XKR6: variants seen among roughly 807,000 people sequenced by gnomAD.
XKR6 encodes XK-related protein 6.
In XKR6, 22 loss-of-function variants were observed where a neutral mutation model predicts 56.7. The ratio of observed to expected loss-of-function variants is 0.39; its 90% CI spans 0.28 to 0.55. The LOEUF (loss-of-function observed/expected upper bound fraction) is 0.55. XKR6 is among the 20% of genes least tolerant of loss of function. The probability of loss-of-function intolerance (pLI) is 0.66; values close to 1 mark genes in which losing one functional copy is unlikely to be tolerated. For synonymous variants in XKR6, 524 were observed against 387.8 expected, an observed-to-expected ratio of 1.35 and a Z score of -4.13; for missense variants, 852 against 889.0, an observed-to-expected ratio of 0.96 and a Z score of 0.53.
intron 1 of XKR6, among the ~76,000 whole-genome samples, chr8:11,158,756 C>T (rs756925395): frequency 1.4e-4 from 21 of 152,090 alleles, no homozygotes; most frequent in Non-Finnish European, 2.4e-4. Flanking sequence ...GATGACGAAA[C>T]GGACAGACAC....
At chr8:10,943,320 C>G (rs1801441633) in intron 1 of XKR6, among the ~76,000 whole-genome samples, 1 of 152,222 alleles carries the variant, frequency 6.6e-6, no homozygotes, top group East Asian at 1.9e-4. Context: ...GATGAGGAAG[C>G]TGAGGCTAAG....
chr8:11,175,374 T>A (rs1029718782), intron 1 of XKR6: 1 of 175,254 alleles, frequency 5.7e-6, no homozygotes, highest in African/African-American at 2.4e-5. Context: ...CATTTCGAGG[T>A]AAATAAAGCA....
chr8:11,129,995 T>C (rs1303770172), intron 1 of XKR6, among the ~76,000 whole-genome samples: 1 of 152,286 alleles, frequency 6.6e-6, no homozygotes, highest in Admixed American at 6.5e-5. Context: ...GGGAAATCCC[T>C]ATCACATTTC....
At chr8:10,914,031 G>T (rs1054858356) in intron 2 of XKR6, among the ~76,000 whole-genome samples, 4 of 152,190 alleles carry the variant, frequency 2.6e-5, no homozygotes, top group South Asian at 2.1e-4. Context: ...CTTGCCTCGG[G>T]ATGGCCCTTG....
At chr8:10,981,566 A>G (rs1004780887) in intron 1 of XKR6, among the ~76,000 whole-genome samples, 1 of 152,230 alleles carries the variant, frequency 6.6e-6, no homozygotes, top group African/African-American at 2.4e-5. Flanking sequence ...CATTTTCTAA[A>G]TGTAAAAATT....
chr8:11,068,957 C>T (rs1187402550), intron 1 of XKR6, among the ~76,000 whole-genome samples: 1 of 152,224 alleles, frequency 6.6e-6, no homozygotes, highest in East Asian at 1.9e-4. Context: ...CAGGCTGCTC[C>T]TTTTCAATGG....
chr8:11,181,707 G>T (rs976424032), intron 1 of XKR6, among the ~76,000 whole-genome samples: 4 of 152,214 alleles, frequency 2.6e-5, no homozygotes, highest in African/African-American at 9.7e-5. Context: ...GGCAGGTAGT[G>T]AGCCAGGCAG....
intron 1 of XKR6, among the ~76,000 whole-genome samples, chr8:11,107,097 C>CAAGGGCT (rs948083434): frequency 1.3e-5 from 2 of 151,536 alleles, no homozygotes; most frequent in African/African-American, 4.9e-5. Flanking sequence ...TGACTTATGA[C>CAAGGGCT]AAAAGGGCTA....
chr8:11,147,443 A>AGG (rs1801042079), intron 1 of XKR6, among the ~76,000 whole-genome samples: 2 of 152,060 alleles, frequency 1.3e-5, no homozygotes, highest in African/African-American at 4.8e-5. Context: ...AGGCAGGCAG[A>AGG]TCAAGAGATC....
At chr8:11,178,060 T>C (rs964985392) in intron 1 of XKR6, among the ~76,000 whole-genome samples, 4 of 152,030 alleles carry the variant, frequency 2.6e-5, no homozygotes, top group Non-Finnish European at 4.4e-5. Context: ...GAAAGCAGAG[T>C]GCAGGGCCTA....
intron 1 of XKR6, among the ~76,000 whole-genome samples, chr8:11,196,352 T>C (rs1803887352): frequency 6.6e-6 from 1 of 152,286 alleles, no homozygotes; most frequent in South Asian, 2.1e-4. Context: ...GCTACATTTA[T>C]TGAACACTGT....
At chr8:11,165,713 A>G (rs976537379) in intron 1 of XKR6, among the ~76,000 whole-genome samples, 6 of 152,174 alleles carry the variant, frequency 3.9e-5, no homozygotes, top group Non-Finnish European at 7.3e-5. Context: ...TGATTCATCA[A>G]AGACAGAAGT....
intron 1 of XKR6, among the ~76,000 whole-genome samples, chr8:10,934,961 T>C (rs1034420814): frequency 1.5e-4 from 15 of 101,906 alleles, no homozygotes; most frequent in African/African-American, 6.9e-4. Flanking sequence ...TTGGAATAGT[T>C]TCAGAAGGAA....
intron 1 of XKR6, among the ~76,000 whole-genome samples, chr8:11,179,630 C>T (rs938025840): frequency 2.6e-5 from 4 of 152,168 alleles, no homozygotes; most frequent in Non-Finnish European, 5.9e-5. Context: ...GGGACTCCTC[C>T]ACCTTCCAAT....
At chr8:10,996,528 G>T (rs1798117009) in intron 1 of XKR6, among the ~76,000 whole-genome samples, 1 of 152,154 alleles carries the variant, frequency 6.6e-6, no homozygotes, top group African/African-American at 2.4e-5. Flanking sequence ...GGTTTTCTCT[G>T]CAATTTTCCT....
chr8:11,189,424 A>C (rs1022386026), intron 1 of XKR6, among the ~76,000 whole-genome samples: 5 of 152,236 alleles, frequency 3.3e-5, no homozygotes, highest in African/African-American at 7.2e-5. Flanking sequence ...AAATCCAGGC[A>C]TAATATATGG....
At position 10,897,820 on chromosome 8, in the gene XKR6, T is replaced by G. The variant is rs146543123; in HGVS notation, c.*132A>C. ...AATTCTTTTTTTTTTGTAGTGGTGG[T>G]GTTGGTGTGGCGGTGTTGGTGGTGG... On this transcript the variant is annotated 3_prime_UTR_variant, in exon 3 of 3. Coordinates refer to ENST00000416569, the MANE Select transcript of XKR6 (RefSeq NM_173683.4). 4.4e-6 allele frequency: 5 copies of G among 1,123,796 alleles called. No individual in the cohort carries two copies. Among genetic ancestry groups the G allele is most frequent in the Non-Finnish European group, 6.1e-6 (5 of 820,262 alleles). The allele number at this position is 1,123,796 out of a possible 1,614,324, so 69.6% of individuals were successfully genotyped here.
intron 1 of XKR6, among the ~76,000 whole-genome samples, chr8:10,952,751 C>G (rs138950186): frequency 3.9e-5 from 6 of 152,168 alleles, no homozygotes; most frequent in Admixed American, 3.9e-4. Context: ...GGGGGCGGAT[C>G]CTTCATGAAT....
chr8:11,055,103 G>A (rs1364003462), intron 1 of XKR6, among the ~76,000 whole-genome samples: 1 of 152,188 alleles, frequency 6.6e-6, no homozygotes, highest in Admixed American at 6.5e-5. Context: ...AAAATGGTAA[G>A]GCTGACTTTA....
Sources: allele counts gnomAD v4.1 joint callset (sites outside exome capture counted in the v4.1 genomes callset), GRCh38; gene constraint gnomAD v4.1.1; transcripts MANE v1.5; gene names NCBI Gene and HGNC (gene_info 2026-07-23, HGNC 2026-07-21).